TTC39C: variants seen among roughly 807,000 people sequenced by gnomAD.
TTC39C encodes tetratricopeptide repeat domain 39C, also known as tetratricopeptide repeat protein 39C.
In TTC39C, 33 loss-of-function variants were observed where a neutral mutation model predicts 76.3. The ratio of observed to expected loss-of-function variants is 0.43; its 90% CI spans 0.33 to 0.58. The LOEUF (loss-of-function observed/expected upper bound fraction) is 0.58, where lower values mean the gene tolerates loss of function less well. Ranked by LOEUF, TTC39C falls within the 20% of genes least tolerant of loss-of-function variation. The probability of loss-of-function intolerance (pLI) is 0.04; values close to 1 mark genes in which losing one functional copy is unlikely to be tolerated. For missense variants in TTC39C, 595 were observed against 701.4 expected, an observed-to-expected ratio of 0.85 and a Z score of 1.71; for synonymous variants, 254 against 260.6, an observed-to-expected ratio of 0.97 and a Z score of 0.24.
chr18:24,036,823 G>A (rs116920493), intron 1 of TTC39C, among the ~76,000 whole-genome samples: 1,723 of 152,114 alleles, frequency 0.011, 13 homozygotes, highest in Non-Finnish European at 0.017. Flanking sequence ...TGTAGAGTTG[G>A]GGTCTTGCCA....
intron 1 of TTC39C, among the ~76,000 whole-genome samples, chr18:24,045,904 TATATATATATATATATATATA>T (rs2083865288): frequency 5.1e-5 from 2 of 39,222 alleles, no homozygotes; most frequent in African/African-American, 1.5e-4. Context: ...TATATATATA[TATATATATATATATATATATA>T]TATTTTTTTT....
chr18:24,007,108 G>A (rs1274972866), intron 1 of TTC39C, among the ~76,000 whole-genome samples: 1 of 152,208 alleles, frequency 6.6e-6, no homozygotes, highest in Non-Finnish European at 1.5e-5. Flanking sequence ...GTGGCACAGA[G>A]TTCTGGGTTG....
chr18:24,080,313 C>T (rs772952689), intron 4 of TTC39C, among the ~76,000 whole-genome samples: 1 of 152,072 alleles, frequency 6.6e-6, no homozygotes, highest in African/African-American at 2.4e-5. Context: ...TATTACATAC[C>T]GTACTCTAGG....
intron 1 of TTC39C, among the ~76,000 whole-genome samples, chr18:24,023,999 T>G (rs1235721153): frequency 1.8e-4 from 2 of 11,098 alleles, no homozygotes; most frequent in Non-Finnish European, 1.7e-4. Flanking sequence ...TATATATATA[T>G]ATATATATAT....
chr18:24,025,784 C>T (rs1242888488), intron 1 of TTC39C, among the ~76,000 whole-genome samples: 3 of 152,160 alleles, frequency 2.0e-5, no homozygotes, highest in Middle Eastern at 3.2e-3. Flanking sequence ...GTGGCTGAAT[C>T]CCCTAGCCTG....
At chr18:24,122,594 T>C (rs561469061) in intron 8 of TTC39C, among the ~76,000 whole-genome samples, 17 of 149,730 alleles carry the variant, frequency 1.1e-4, no homozygotes, top group Non-Finnish European at 1.8e-4. Flanking sequence ...TCTAACAAAA[T>C]TGAATAGAAA....
At chr18:24,045,268 C>CCAAAAAA (rs2083851964) in intron 1 of TTC39C, among the ~76,000 whole-genome samples, 1 of 5,270 alleles carries the variant, frequency 1.9e-4, no homozygotes, top group Non-Finnish European at 4.0e-4. Context: ...GACTCTGTCT[C>CCAAAAAA]CAAAAAAAAA....
At chr18:24,126,567 T>C (rs2085053855) in intron 10 of TTC39C, among the ~76,000 whole-genome samples, 1 of 152,076 alleles carries the variant, frequency 6.6e-6, no homozygotes, top group Admixed American at 6.6e-5. Flanking sequence ...CGAGTAGATG[T>C]GTAACCCTCC....
chr18:24,131,824 T>G, intron 12 of TTC39C, 58 bp from the exon 13 acceptor site: 1 of 1,493,070 alleles, frequency 6.7e-7, no homozygotes, highest in Non-Finnish European at 9.2e-7. Context: ...TATTATACCA[T>G]TTTCTGCCTG....
At chr18:24,116,411 T>A (rs1038239781) in intron 7 of TTC39C, among the ~76,000 whole-genome samples, 4 of 152,072 alleles carry the variant, frequency 2.6e-5, no homozygotes, top group Admixed American at 1.3e-4. Flanking sequence ...GGCGTGGTAG[T>A]GGGCGCCTAT....
intron 1 of TTC39C, among the ~76,000 whole-genome samples, chr18:24,047,254 T>C (rs1332189490): frequency 6.6e-6 from 1 of 151,586 alleles, no homozygotes; most frequent in East Asian, 1.9e-4. Flanking sequence ...CCACCACATC[T>C]GGCTAATTTT....
intron 6 of TTC39C, among the ~76,000 whole-genome samples, chr18:24,091,955 T>A (rs1359922160): frequency 2.0e-5 from 3 of 151,422 alleles, no homozygotes; most frequent in African/African-American, 7.3e-5. Flanking sequence ...TAGCCAGGTG[T>A]GGTAGCGGGC....
chr18:24,128,744 A>C, intron 10 of TTC39C, 142 bp from the exon 11 acceptor site: 1 of 610,016 alleles, frequency 1.6e-6, no homozygotes, highest in Non-Finnish European at 2.8e-6. Context: ...AAATTAACAT[A>C]ACTTCTTTTA....
rs1377304036 is a variant in TTC39C at position 24,115,624 on chromosome 18, A to G, written c.1078+977A>G. ...GACAGAATGCTCAGGGAAGCAGTTGACACCTGTCAGTTTGGGGGGTCAGGC... is the reference window on the plus strand; with the variant it reads ...GACAGAATGCTCAGGGAAGCAGTTGGCACCTGTCAGTTTGGGGGGTCAGGC... On this transcript the variant is annotated intron_variant, in intron 7 of 13. Transcript: ENST00000317571. 2.6e-5 allele frequency among the ~76,000 whole-genome samples: 4 copies of G among 152,332 alleles called. No individual in the cohort carries two copies. In the East Asian group the frequency reaches 7.7e-4, roughly 29 times the overall value.
chr18:24,024,265 C>T (rs1035285627), intron 1 of TTC39C, among the ~76,000 whole-genome samples: 6 of 151,344 alleles, frequency 4.0e-5, no homozygotes, highest in African/African-American at 1.2e-4. Flanking sequence ...CCTGCCTCAG[C>T]CTCCCAAAGT....
At chr18:23,995,940 G>A (rs997005665) in intron 1 of TTC39C, among the ~76,000 whole-genome samples, 2 of 152,230 alleles carry the variant, frequency 1.3e-5, no homozygotes, top group South Asian at 2.1e-4. Flanking sequence ...CAGAAGTGCC[G>A]TTGTTGGATC....
intron 1 of TTC39C, among the ~76,000 whole-genome samples, chr18:24,045,482 C>T (rs939874971): frequency 6.6e-6 from 1 of 151,680 alleles, no homozygotes; most frequent in Non-Finnish European, 1.5e-5. Context: ...TAATAAATAC[C>T]CAAAATACCA....
intron 1 of TTC39C, among the ~76,000 whole-genome samples, chr18:24,057,258 CG>C (rs1458153383): frequency 3.3e-5 from 5 of 151,726 alleles, no homozygotes; most frequent in Middle Eastern, 3.4e-3. Context: ...CATTACACAC[CG>C]AAAAAAAGAA....
intron 6 of TTC39C, among the ~76,000 whole-genome samples, chr18:24,110,731 TTATGCTGGTGTGA>T (rs1194126732): frequency 2.3e-4 from 35 of 152,376 alleles, no homozygotes; most frequent in African/African-American, 8.2e-4. Context: ...TGGCTGCCGA[TTATGCTGGTGTGA>T]ATTTGTCAAT....
Sources: allele counts gnomAD v4.1 joint callset (sites outside exome capture counted in the v4.1 genomes callset), GRCh38; gene constraint gnomAD v4.1.1; transcripts MANE v1.5; gene names NCBI Gene and HGNC (gene_info 2026-07-23, HGNC 2026-07-21).